MAP3K15: variants seen among roughly 807,000 people sequenced by gnomAD.
MAP3K15 encodes the protein mitogen-activated protein kinase kinase kinase 15, also known as MAPK/ERK kinase kinase 15.
MAP3K15 carries 124 observed loss-of-function variants against 99.5 expected under a neutral mutation model. The observed-to-expected ratio is 1.25, with a 90% CI of 1.08 to 1.45. The LOEUF is 1.45. MAP3K15 is among the 40% of genes most tolerant of loss of function. MAP3K15 has a pLI of 0.00. For synonymous variants in MAP3K15, 494 were observed against 439.6 expected (o/e 1.12, Z -1.55); for missense variants, 1,242 against 1,079.7 (o/e 1.15, Z -2.11).
chrX:19,504,265 A>T (rs1179178663), intron 1 of MAP3K15, among the ~76,000 whole-genome samples: 1 of 111,726 alleles, frequency 9.0e-6, no homozygotes, highest in Non-Finnish European at 1.9e-5. Flanking sequence ...TCAGTGGCTT[A>T]ATTGCTATCT....
intron 25 of MAP3K15, among the ~76,000 whole-genome samples, chrX:19,364,971 A>C: frequency 9.1e-6 from 1 of 109,551 alleles, no homozygotes; most frequent in Middle Eastern, 4.7e-3. Context: ...TGGGAGGTCA[A>C]GGCGGGAGGA....
At chrX:19,442,717 CATTATT>C (rs150920455) in intron 6 of MAP3K15, among the ~76,000 whole-genome samples, 6,562 of 98,558 alleles carry the variant, frequency 0.067, 470 homozygotes, top group African/African-American at 0.2. Flanking sequence ...TTATTATTAT[CATTATT>C]ATTATTATTA....
intron 18 of MAP3K15, among the ~76,000 whole-genome samples, chrX:19,388,690 C>T (rs1428472546): frequency 9.0e-6 from 1 of 111,414 alleles, no homozygotes; most frequent in Non-Finnish European, 1.9e-5. Context: ...AGTAATATGC[C>T]CAAGGTCACA....
At chrX:19,502,354 A>G (rs1299886639) in intron 1 of MAP3K15, among the ~76,000 whole-genome samples, 1 of 111,103 alleles carries the variant, frequency 9.0e-6, no homozygotes, top group East Asian at 2.8e-4. Flanking sequence ...TGCTGTTCTC[A>G]TGACAGTGAG....
At chrX:19,428,627 CAT>C (rs1310452348) in intron 7 of MAP3K15, among the ~76,000 whole-genome samples, 2 of 112,021 alleles carry the variant, frequency 1.8e-5, no homozygotes, top group East Asian at 2.8e-4. Context: ...TCACAGAAGA[CAT>C]ATAGGGCTAT....
intron 18 of MAP3K15, among the ~76,000 whole-genome samples, chrX:19,381,800 G>A (rs1049576902): frequency 4.5e-5 from 5 of 112,110 alleles, no homozygotes; most frequent in Non-Finnish European, 7.5e-5. Context: ...GGGGACGTGT[G>A]TGAAAGTGAC....
intron 26 of MAP3K15, 29 bp from the exon 27 acceptor site, chrX:19,361,622 T>G: frequency 9.8e-7 from 1 of 1,017,720 alleles, no homozygotes; most frequent in Non-Finnish European, 1.4e-6. Flanking sequence ...TGTTATATAT[T>G]AGTCTAACCA....
At chrX:19,464,501 T>C (rs976427609) in intron 3 of MAP3K15, 95 bp from the exon 4 acceptor site, 3 of 614,709 alleles carry the variant, frequency 4.9e-6, no homozygotes, top group Middle Eastern at 9.2e-4. Flanking sequence ...ATGGAGAAAA[T>C]ACTTGAGGAT....
chrX:19,450,731 G>C (rs1352593390), intron 6 of MAP3K15, among the ~76,000 whole-genome samples: 1 of 109,139 alleles, frequency 9.2e-6, no homozygotes, highest in Non-Finnish European at 1.9e-5. Context: ...ACAAAAAGGA[G>C]GGAACTGAAG....
At chrX:19,413,682 G>C (rs1185957700) in intron 10 of MAP3K15, among the ~76,000 whole-genome samples, 2 of 61,230 alleles carry the variant, frequency 3.3e-5, no homozygotes, top group Admixed American at 2.3e-4. Flanking sequence ...TCTCTTGGGG[G>C]GGGGGGTGGG....
chrX:19,413,218 G>T, intron 11 of MAP3K15, 139 bp downstream of exon 11: 1 of 462,270 alleles, frequency 2.2e-6, no homozygotes, highest in Non-Finnish European at 3.7e-6. Flanking sequence ...AAAACCTACT[G>T]TCTCTCATCT....
intron 1 of MAP3K15, among the ~76,000 whole-genome samples, chrX:19,506,258 C>T (rs968790632): frequency 9.0e-6 from 1 of 110,903 alleles, no homozygotes. Context: ...TTAGTAGAGA[C>T]GGGGTTTTGC....
Position 19,361,590 on chromosome X carries a change from A to G in MAP3K15, c.3683T>C (p.Ile1228Thr). The G allele has an allele frequency of 8.4e-7, 1 of 1,190,320 alleles. No homozygotes were observed. The highest frequency in any genetic ancestry group is 3.0e-5 in the East Asian group (1 of 33,767). ...HLQLKLKSNCITENPAGPYGQ... is the reference protein window; with the variant it reads ...HLQLKLKSNCTTENPAGPYGQ... ...GTAGGGGCCTGCTGGGTTCTCTGTAATACCTGTAACGATTGGCAATTTGTT... is the reference window on the plus strand; with the variant it reads ...GTAGGGGCCTGCTGGGTTCTCTGTAGTACCTGTAACGATTGGCAATTTGTT... The change falls in exon 27 of 29, where the codon ATT becomes ACT. Residue 1228 changes from isoleucine (I) to threonine (T), a missense_variant. Transcript: ENST00000338883.
chrX:19,511,415 T>C (rs1175147410), intron 1 of MAP3K15, among the ~76,000 whole-genome samples: 1 of 112,091 alleles, frequency 8.9e-6, no homozygotes, highest in Non-Finnish European at 1.9e-5. Flanking sequence ...TTTTGGAATC[T>C]ATCAATCTGA....
In MAP3K15 at chrX:19,431,748, C is replaced by G. The variant is rs1029204148; in HGVS notation, c.996-140G>C. 38 of 419,759 alleles carry G rather than the reference C, an allele frequency of 9.1e-5. No homozygotes were observed. The Admixed American group carries it at 1.6e-3, about 18-fold the overall frequency. The allele number at this position is 419,759 out of a possible 1,213,427, so 34.6% of individuals were successfully genotyped here. On this transcript the variant is annotated intron_variant, in intron 6 of 28. Transcript: ENST00000338883. ...ATCATTTGAGGTCAGGAGTTCAACA[C>G]CAGCCTGGCCAACATGGTGAAAACC...
intron 1 of MAP3K15, among the ~76,000 whole-genome samples, chrX:19,509,820 A>C (rs774370991): frequency 6.3e-5 from 7 of 111,696 alleles, no homozygotes; most frequent in African/African-American, 1.9e-4. Context: ...GTTTTTTGAA[A>C]AGATCAACAA....
At chrX:19,394,130 A>G (rs766031815) in intron 16 of MAP3K15, among the ~76,000 whole-genome samples, 4 of 111,309 alleles carry the variant, frequency 3.6e-5, no homozygotes, top group African/African-American at 6.5e-5. Context: ...CAGACTCTTA[A>G]TAACTGTCAG....
chrX:19,371,303 C>G (rs754871081), intron 23 of MAP3K15, 42 bp downstream of exon 23: 16 of 1,166,373 alleles, frequency 1.4e-5, no homozygotes, highest in Non-Finnish European at 1.9e-5. Flanking sequence ...TAACTGAATT[C>G]CAAGATCTGG....
At chrX:19,475,397 C>T (rs1395097911) in intron 3 of MAP3K15, among the ~76,000 whole-genome samples, 1 of 111,204 alleles carries the variant, frequency 9.0e-6, no homozygotes, top group African/African-American at 3.3e-5. Context: ...TCCTGCTGTG[C>T]GGCCCGGTCG....
Sources: allele counts gnomAD v4.1 joint callset (sites outside exome capture counted in the v4.1 genomes callset), GRCh38; gene constraint gnomAD v4.1.1; transcripts MANE v1.5; gene names NCBI Gene and HGNC (gene_info 2026-07-23, HGNC 2026-07-21).